Variants in CORO7 observed in about 807,000 individuals in gnomAD.
CORO7 encodes coronin 7.
In CORO7, 107 loss-of-function variants were observed where a neutral mutation model predicts 126.6. The observed-to-expected ratio is 0.85, with a 90% CI of 0.72 to 0.99. The LOEUF is 0.99. Ranked by LOEUF, CORO7 falls within the 50% of genes least tolerant of loss-of-function variation. The pLI is 0.00. For missense variants in CORO7, 1,314 were observed against 1,255.8 expected, an observed-to-expected ratio of 1.05 and a Z score of -0.70; for synonymous variants, 603 against 536.8, an observed-to-expected ratio of 1.12 and a Z score of -1.70.
At chr16:4,412,463 G>T (rs770754475) in intron 2 of CORO7, 33 bp from the exon 3 acceptor site, 1 of 1,610,330 alleles carries the variant, frequency 6.2e-7, no homozygotes, top group Non-Finnish European at 8.5e-7. Flanking sequence ...CTGACTTCAG[G>T]CCCCACAGGG....
chr16:4,380,144 T>C (rs2054901028), intron 9 of CORO7, among the ~76,000 whole-genome samples: 1 of 151,508 alleles, frequency 6.6e-6, no homozygotes, highest in South Asian at 2.1e-4. Context: ...GTAGCCAGTG[T>C]CCCCACCTGA....
At chr16:4,401,240 G>A (rs183285446) in intron 6 of CORO7, among the ~76,000 whole-genome samples, 2 of 152,344 alleles carry the variant, frequency 1.3e-5, no homozygotes, top group Admixed American at 6.5e-5. Context: ...GCAAAGAGGT[G>A]GAGAAAGGAA....
At chr16:4,388,152 G>T (rs775424151) in intron 8 of CORO7, 84 bp from the exon 9 acceptor site, 2 of 1,525,230 alleles carry the variant, frequency 1.3e-6, no homozygotes, top group African/African-American at 1.4e-5. Flanking sequence ...AGCGCCTGAG[G>T]GTGCAGCCTG....
chr16:4,382,093 C>T lies in CORO7; in HGVS notation c.785+5893G>A. 2 of 1,584,606 alleles carry T rather than the reference C, an allele frequency of 1.3e-6. No individual in the cohort carries two copies. Among genetic ancestry groups the T allele is most frequent in the East Asian group, 2.3e-5 (1 of 43,404 alleles). On this transcript the variant is annotated intron_variant, in intron 9 of 27. Coordinates refer to ENST00000251166, the MANE Select transcript of CORO7 (RefSeq NM_024535.5). ...ACCGACTGTAGGGCCTGTCCCCCAG[C>T]CCCAGGACTGCCCACCGTCCACCTG...
chr16:4,404,323 A>C (rs906144764), intron 6 of CORO7, among the ~76,000 whole-genome samples: 1 of 152,120 alleles, frequency 6.6e-6, no homozygotes, highest in African/African-American at 2.4e-5. Context: ...ACAGGTCTTC[A>C]GAGACCCTTG....
At chr16:4,393,045 GC>G (rs1364102895) in intron 7 of CORO7, among the ~76,000 whole-genome samples, 9 of 152,250 alleles carry the variant, frequency 5.9e-5, no homozygotes, top group African/African-American at 2.2e-4. Flanking sequence ...CCCCAGCCCT[GC>G]TGGAAGAGGA....
In CORO7 at chr16:4,360,456, A is replaced by G; in HGVS notation, c.2010T>C (p.Pro670=). The change falls in exon 20 of 28, where the codon CCT becomes CCC. Residue 670 remains proline, a synonymous_variant. Transcript: ENST00000251166. The part of the protein sequence containing the change: ...RVRVYRPRSG[P]EPLQEGPGPK... ...CCTGTGTGCTCACCTGCAGGGGCTC[A>G]GGGCCACTCCGGGGCCTGTAGACCC... 6.2e-7 allele frequency: 1 copy of G among 1,612,614 alleles called. No individual in the cohort carries two copies. The highest frequency in any genetic ancestry group is 8.5e-7 in the Non-Finnish European group (1 of 1,179,734).
rs371556192 is a variant in CORO7, at chr16:4,364,727, C to A, written c.1045-38G>T. On this transcript the variant is annotated intron_variant, in intron 12 of 27. Coordinates refer to ENST00000251166, the MANE Select transcript of CORO7 (RefSeq NM_024535.5). ...AAGCAGGCAGCTAGTGAGGCCCAGG[C>A]CCCCCGACTCCCCAGCCCCCGCAGT... 2.1e-5 allele frequency: 33 copies of A among 1,580,940 alleles called. 1 individual carries two copies. In the South Asian group the frequency reaches 3.4e-4, roughly 16 times the overall value.
intron 6 of CORO7, among the ~76,000 whole-genome samples, chr16:4,398,885 A>C (rs2055699250): frequency 6.6e-6 from 1 of 150,672 alleles, no homozygotes; most frequent in Non-Finnish European, 1.5e-5. Flanking sequence ...GGAGAATCGC[A>C]TGAACCCAGG....
At chr16:4,360,661 C>T (rs1304927836) in intron 19 of CORO7, 113 bp from the exon 20 acceptor site, 20 of 1,400,558 alleles carry the variant, frequency 1.4e-5, no homozygotes, top group African/African-American at 8.5e-5. Context: ...CTGCTGTTCC[C>T]GCCTCTCCTC....
At chr16:4,384,697 G>A (rs1245896744) in intron 9 of CORO7, among the ~76,000 whole-genome samples, 2 of 152,234 alleles carry the variant, frequency 1.3e-5, no homozygotes, top group African/African-American at 2.4e-5. Flanking sequence ...GAGGAGGGAG[G>A]AGGCGGGCCG....
At chr16:4,364,977 G>C (rs1332151347) in intron 11 of CORO7, 26 bp downstream of exon 11, 2 of 1,604,578 alleles carry the variant, frequency 1.2e-6, no homozygotes, top group African/African-American at 2.7e-5. Context: ...GAGGGTAGGG[G>C]ATGGGGGCGA....
chr16:4,381,051 C>CACA, intron 9 of CORO7: 1 of 1,610,560 alleles, frequency 6.2e-7, no homozygotes, highest in Non-Finnish European at 8.5e-7. Flanking sequence ...TGGGGCTGTA[C>CACA]GTCTTTGAGA....
intron 5 of CORO7, among the ~76,000 whole-genome samples, chr16:4,406,795 ACAC>A (rs2056014889): frequency 6.6e-6 from 1 of 151,494 alleles, no homozygotes; most frequent in Non-Finnish European, 1.5e-5. Flanking sequence ...ACCCGCCACC[ACAC>A]CCAGCTAAGT....
intron 6 of CORO7, among the ~76,000 whole-genome samples, chr16:4,403,967 C>T (rs1322727893): frequency 6.6e-6 from 1 of 152,186 alleles, no homozygotes; most frequent in African/African-American, 2.4e-5. Flanking sequence ...GGTCAAAGCA[C>T]GCATACCAGG....
intron 7 of CORO7, among the ~76,000 whole-genome samples, chr16:4,390,927 G>T (rs1432252959): frequency 6.6e-6 from 1 of 152,002 alleles, no homozygotes; most frequent in Non-Finnish European, 1.5e-5. Context: ...AAACATCCTG[G>T]GCCAGCTCTT....
intron 9 of CORO7, among the ~76,000 whole-genome samples, chr16:4,373,856 G>C (rs1031500689): frequency 4.6e-5 from 7 of 152,086 alleles, no homozygotes; most frequent in African/African-American, 1.7e-4. Context: ...GGTGTGTAGA[G>C]GGGAGGCTGC....
At chr16:4,364,129 T>C in intron 14 of CORO7, 147 bp downstream of exon 14, 1 of 1,142,338 alleles carries the variant, frequency 8.8e-7, no homozygotes, top group Non-Finnish European at 1.1e-6. Context: ...GAGGTTGCAG[T>C]GAGCCGAGGT....
rs199838202 is a variant in CORO7 at position 4,360,344 on chromosome 16, C to T, written c.2042G>A (p.Gly681Glu). 1.9e-6 allele frequency: 3 copies of T among 1,613,752 alleles called. No homozygotes were observed. The highest frequency in any genetic ancestry group is 2.5e-6 in the Non-Finnish European group (3 of 1,180,016). ...CCAGACAATGCGAGCTCCGCGTCCT[C>T]CCTTGGGCCCTGGGCCTTCCTGTTG... ...EPLQEGPGPKGGRGARIVWVC... is the reference protein window; with the variant it reads ...EPLQEGPGPKEGRGARIVWVC... Residue 681 changes from glycine to glutamate, a missense_variant, in exon 21 of 28, where the codon GGA (glycine) becomes GAA (glutamate). Transcript: ENST00000251166.
Sources: allele counts gnomAD v4.1 joint callset (sites outside exome capture counted in the v4.1 genomes callset), GRCh38; gene constraint gnomAD v4.1.1; transcripts MANE v1.5; gene names NCBI Gene and HGNC (gene_info 2026-07-23, HGNC 2026-07-21).